The following ANK3 variants were observed in gnomAD, a reference collection of about 807,000 sequenced individuals.
ANK3 encodes ankyrin-3.
Under a neutral mutation model 370.9 loss-of-function variants are expected in ANK3, and 57 were observed. The ratio of observed to expected loss-of-function variants is 0.15; its 90% CI spans 0.12 to 0.19. The LOEUF (loss-of-function observed/expected upper bound fraction) is 0.19. Among genes scored for constraint, ANK3 ranks in the 10% least tolerant of loss-of-function variants. The probability of loss-of-function intolerance (pLI) is 1.00; values close to 1 mark genes in which losing one functional copy is unlikely to be tolerated. For missense variants in ANK3, 4,439 were observed against 5,302.1 expected, an observed-to-expected ratio of 0.84 and a Z score of 5.06; for synonymous variants, 1,929 against 1,946.3, an observed-to-expected ratio of 0.99 and a Z score of 0.23.
At chr10:60,251,656 A>C (rs947538844) in intron 7 of ANK3, among the ~76,000 whole-genome samples, 1 of 152,216 alleles carries the variant, frequency 6.6e-6, no homozygotes, top group Admixed American at 6.5e-5. Context: ...GTAGAAGTGC[A>C]TCATACTAGG....
At chr10:60,483,441 G>C (rs10994371) in intron 2 of ANK3, among the ~76,000 whole-genome samples, 72,731 of 152,018 alleles carry the variant, frequency 0.48, 18,060 homozygotes, top group Middle Eastern at 0.58. Flanking sequence ...ACTACTTGTC[G>C]TTTTGCAACC....
intron 6 of ANK3, 84 bp from the exon 7 acceptor site, chr10:60,262,041 A>G (rs2097814821): frequency 8.4e-7 from 1 of 1,185,468 alleles, no homozygotes; most frequent in South Asian, 1.3e-5. Context: ...TGCCCAAATA[A>G]AAATGAGGAA....
intron 43 of ANK3, among the ~76,000 whole-genome samples, chr10:60,034,782 CCT>C (rs2074535392): frequency 6.6e-6 from 1 of 152,168 alleles, no homozygotes; most frequent in African/African-American, 2.4e-5. Flanking sequence ...TCCCTACCCA[CCT>C]CTCTCTTTCC....
chr10:60,208,373 C>G (rs1026631547), intron 9 of ANK3, 140 bp from the exon 10 acceptor site: 1 of 715,194 alleles, frequency 1.4e-6, no homozygotes, highest in African/African-American at 1.8e-5. Flanking sequence ...CTTTTGACAA[C>G]TATTTTGAAC....
intron 2 of ANK3, among the ~76,000 whole-genome samples, chr10:60,603,111 A>G (rs2078086390): frequency 6.6e-6 from 1 of 152,164 alleles, no homozygotes; most frequent in Non-Finnish European, 1.5e-5. Flanking sequence ...AGAAATCAGC[A>G]TTCCCAATTC....
At chr10:60,061,404 T>A (rs995075646) in intron 40 of ANK3, among the ~76,000 whole-genome samples, 6 of 152,238 alleles carry the variant, frequency 3.9e-5, no homozygotes, top group Admixed American at 3.3e-4. Flanking sequence ...TCAAATTAAA[T>A]GAAGCTTTCA....
chr10:60,351,859 TA>T (rs2056926679), intron 1 of ANK3, among the ~76,000 whole-genome samples: 1 of 151,640 alleles, frequency 6.6e-6, no homozygotes, highest in Non-Finnish European at 1.5e-5. Context: ...TTCTTTCTAA[TA>T]AGGATTATAA....
At chr10:60,363,832 C>T (rs894651185) in intron 1 of ANK3, among the ~76,000 whole-genome samples, 2 of 152,066 alleles carry the variant, frequency 1.3e-5, no homozygotes, top group Non-Finnish European at 2.9e-5. Flanking sequence ...GGAACATATG[C>T]ATATAATGTC....
chr10:60,659,958 AG>A (rs1248418851), intron 1 of ANK3, among the ~76,000 whole-genome samples: 1 of 152,160 alleles, frequency 6.6e-6, no homozygotes, highest in Non-Finnish European at 1.5e-5. Flanking sequence ...TAATATGATC[AG>A]TAATCTGCCT....
chr10:60,185,183 C>T (rs968642210), intron 17 of ANK3, among the ~76,000 whole-genome samples: 12 of 151,984 alleles, frequency 7.9e-5, no homozygotes, highest in Non-Finnish European at 8.8e-5. Context: ...TCTGTAATGA[C>T]CAAAAAAGAT....
At chr10:60,052,842 A>T (rs534425715) in intron 42 of ANK3, among the ~76,000 whole-genome samples, 16 of 152,280 alleles carry the variant, frequency 1.1e-4, no homozygotes, top group Admixed American at 7.8e-4. Context: ...TGTTTAAAAA[A>T]AAAAATAAAA....
At chr10:60,140,318 A>C (rs781599458) in intron 23 of ANK3, 18 of 1,610,564 alleles carry the variant, frequency 1.1e-5, no homozygotes, top group Admixed American at 3.3e-5. Flanking sequence ...TCAAACAAAA[A>C]CAGCACACAC....
At chr10:60,689,090 G>A (rs2079311739) in intron 1 of ANK3, among the ~76,000 whole-genome samples, 1 of 152,116 alleles carries the variant, frequency 6.6e-6, no homozygotes, top group Non-Finnish European at 1.5e-5. Flanking sequence ...TGTCAACAGA[G>A]AATGGAGGTC....
chr10:60,186,436 C>T (rs1225377928), intron 17 of ANK3, among the ~76,000 whole-genome samples: 1 of 151,540 alleles, frequency 6.6e-6, no homozygotes, highest in African/African-American at 2.4e-5. Flanking sequence ...CTGCAGCCTC[C>T]ATCTTCTGGG....
rs560597757 is a variant in ANK3 at position 60,212,062 on chromosome 10, C to T, written c.996+1350G>A. Among the ~76,000 whole-genome samples the T allele has an allele frequency of 4.8e-4, 73 of 151,934 alleles. 1 individual carries two copies. In the South Asian group the frequency reaches 5.0e-3, roughly 10 times the overall value. ...AGGATACTTTAAGAAAAGAAGCTAT[C>T]TGATAACAAGAAAATGTTCTTGAAA... On this transcript the variant is annotated intron_variant, in intron 9 of 43. Coordinates refer to ENST00000280772, the MANE Select transcript of ANK3 (RefSeq NM_020987.5).
chr10:60,076,559 G>A, intron 36 of ANK3, 111 bp from the exon 37 acceptor site: 2 of 1,359,252 alleles, frequency 1.5e-6, no homozygotes, highest in Non-Finnish European at 2.0e-6. Context: ...TATTACAAAA[G>A]CAAGTACAAT....
intron 18 of ANK3, among the ~76,000 whole-genome samples, chr10:60,173,560 T>C (rs187978630): frequency 1.7e-3 from 254 of 152,350 alleles, no homozygotes; most frequent in Non-Finnish European, 2.8e-3. Context: ...TATTGAATAC[T>C]TTCTGAAAGC....
rs935387837 is a variant in ANK3, at chr10:60,208,163, T to C, written c.1067A>G (p.His356Arg). The C allele has an allele frequency of 2.5e-6, 4 of 1,614,190 alleles. No individual in the cohort carries two copies. The highest frequency in any genetic ancestry group is 3.4e-6 in the Non-Finnish European group (4 of 1,180,012). The stretch of plus-strand genomic sequence containing the variant: ...GGTGACATCATCCACGGGTACATTA[T>C]GCTGGAGGAGAAGCTGGACGCAGTT... Reference protein sequence around the residue: ...HLNCVQLLLQHNVPVDDVTND... With the variant: ...HLNCVQLLLQRNVPVDDVTND... Residue 356 changes from histidine to arginine, a missense_variant, in exon 10 of 44, where the codon CAT becomes CGT. By Grantham distance (29) the His-to-Arg change is conservative. Around this residue, in one of 13 missense-constraint regions of ANK3, gnomAD observed 227 missense variants for 377.6 expected, o/e 0.60. Coordinates refer to ENST00000280772, the MANE Select transcript of ANK3 (RefSeq NM_020987.5).
At chr10:60,593,576 A>G (rs1265868762) in intron 2 of ANK3, among the ~76,000 whole-genome samples, 1 of 152,142 alleles carries the variant, frequency 6.6e-6, no homozygotes, top group African/African-American at 2.4e-5. Flanking sequence ...TGAGGTTTCT[A>G]TTGCTTTCTG....
Sources: allele counts gnomAD v4.1 joint callset (sites outside exome capture counted in the v4.1 genomes callset), GRCh38; gene constraint gnomAD v4.1.1; regional missense constraint gnomAD v4.1.1; transcripts MANE v1.5; gene names NCBI Gene and HGNC (gene_info 2026-07-23, HGNC 2026-07-21).